MS4A10: variants seen among roughly 807,000 people sequenced by gnomAD.
MS4A10 encodes the protein membrane-spanning 4-domains subfamily A member 10.
In MS4A10, 27 loss-of-function variants were observed where a neutral mutation model predicts 27.7. That is an observed-to-expected ratio of 0.98 (90% CI 0.72 to 1.35). The LOEUF is 1.35. Ranked by LOEUF, MS4A10 falls within the 40% of genes most tolerant of loss-of-function variation. MS4A10 has a pLI of 0.00. For synonymous variants in MS4A10, 139 were observed against 131.2 expected (o/e 1.06, Z -0.41); for missense variants, 338 against 324.7 (o/e 1.04, Z -0.32).
At chr11:60,787,792 C>T (rs544251290) in intron 1 of MS4A10, among the ~76,000 whole-genome samples, 12 of 152,140 alleles carry the variant, frequency 7.9e-5, no homozygotes, top group East Asian at 1.9e-4. Flanking sequence ...CCAAGGTAGG[C>T]GGATCACCTG....
At chr11:60,786,161 ATGCACACACATG>A (rs1854331527) in intron 1 of MS4A10, among the ~76,000 whole-genome samples, 3 of 142,850 alleles carry the variant, frequency 2.1e-5, no homozygotes, top group Admixed American at 7.0e-5. Flanking sequence ...ATGCACATGC[ATGCACACACATG>A]CACACACACA....
intron 7 of MS4A10, 87 bp from the exon 8 acceptor site, chr11:60,799,741 A>G (rs1854599808): frequency 1.4e-6 from 1 of 732,824 alleles, no homozygotes; most frequent in South Asian, 1.5e-5. Context: ...TGAGCCAAGT[A>G]AATGCTATTT....
intron 4 of MS4A10, 38 bp downstream of exon 4, chr11:60,792,359 G>A: frequency 6.8e-7 from 1 of 1,464,074 alleles, no homozygotes; most frequent in Non-Finnish European, 9.6e-7. Flanking sequence ...TTCCATCTGA[G>A]CATGGCATAA....
intron 5 of MS4A10, among the ~76,000 whole-genome samples, chr11:60,794,388 A>T (rs1457090139): frequency 1.3e-5 from 2 of 152,210 alleles, no homozygotes; most frequent in East Asian, 3.9e-4. Flanking sequence ...CTTGACGGCA[A>T]ATCCAGGACC....
At chr11:60,795,501 C>G in intron 5 of MS4A10, 54 bp from the exon 6 acceptor site, 1 of 1,214,560 alleles carries the variant, frequency 8.2e-7, no homozygotes, top group Non-Finnish European at 1.1e-6. Context: ...CCACGTGATG[C>G]GTGCAGACAC....
At chr11:60,785,717 G>A (rs1242291124) in intron 1 of MS4A10, among the ~76,000 whole-genome samples, 1 of 152,164 alleles carries the variant, frequency 6.6e-6, no homozygotes, top group Non-Finnish European at 1.5e-5. Flanking sequence ...CCCCTGCGGA[G>A]CCCCATCCTG....
chr11:60,790,218 T>C (rs1466399456), intron 1 of MS4A10, 96 bp from the exon 2 acceptor site: 1 of 1,040,222 alleles, frequency 9.6e-7, no homozygotes, highest in Non-Finnish European at 1.4e-6. Context: ...TCTGGAAAGA[T>C]CTGGTCCCTT....
intron 6 of MS4A10, among the ~76,000 whole-genome samples, chr11:60,796,566 A>G (rs1204960754): frequency 2.0e-5 from 3 of 152,218 alleles, no homozygotes; most frequent in Non-Finnish European, 4.4e-5. Flanking sequence ...GATTACAGGC[A>G]TCAGCCATCA....
chr11:60,799,794 C>A, intron 7 of MS4A10, 34 bp from the exon 8 acceptor site: 3 of 958,032 alleles, frequency 3.1e-6, no homozygotes, highest in Non-Finnish European at 5.0e-6. Context: ...TGTGACCTAG[C>A]TGCTGTTGCT....
At chr11:60,786,043 G>A (rs1854329693) in intron 1 of MS4A10, among the ~76,000 whole-genome samples, 1 of 152,038 alleles carries the variant, frequency 6.6e-6, no homozygotes, top group African/African-American at 2.4e-5. Flanking sequence ...TCACTGAAAC[G>A]CTGATCCTCT....
chr11:60,789,715 A>T (rs558433772), intron 1 of MS4A10, among the ~76,000 whole-genome samples: 2 of 152,222 alleles, frequency 1.3e-5, no homozygotes, highest in Non-Finnish European at 2.9e-5. Flanking sequence ...GAATGAGGAC[A>T]AAATCAGGTA....
chr11:60,791,749 T>C (rs932962476), intron 3 of MS4A10, among the ~76,000 whole-genome samples: 11 of 152,206 alleles, frequency 7.2e-5, no homozygotes, highest in East Asian at 1.9e-4. Flanking sequence ...TGCACAGTGA[T>C]AGAACTTTCC....
intron 5 of MS4A10, among the ~76,000 whole-genome samples, chr11:60,794,671 CT>C (rs948810345): frequency 6.6e-5 from 10 of 151,148 alleles, no homozygotes; most frequent in African/African-American, 2.2e-4. Context: ...ATTCTTTTTT[CT>C]TTTTTTTTGG....
At chr11:60,790,935 C>G in intron 2 of MS4A10, 39 bp from the exon 3 acceptor site, 4 of 1,610,792 alleles carry the variant, frequency 2.5e-6, no homozygotes, top group Non-Finnish European at 3.4e-6. Flanking sequence ...AGCCAGTGAC[C>G]GATGCCCTCA....
At chr11:60,795,499 T>A (rs1854511966) in intron 5 of MS4A10, 56 bp from the exon 6 acceptor site, 2 of 1,197,746 alleles carry the variant, frequency 1.7e-6, no homozygotes, top group Middle Eastern at 2.6e-4. Flanking sequence ...GCCCACGTGA[T>A]GCGTGCAGAC....
At position 60,800,688 on chromosome 11, in the gene MS4A10, G is replaced by A. The variant is rs1854618323; in HGVS notation, c.*779G>A. On this transcript the variant is annotated 3_prime_UTR_variant, in exon 8 of 8. Coordinates refer to ENST00000308287, the MANE Select transcript of MS4A10 (RefSeq NM_206893.4). ...TGCTGCTTCTAACCTTCTATAGATTGCAGCTGGCTTTAAAATAGATTGTAA... is the reference window on the plus strand; with the variant it reads ...TGCTGCTTCTAACCTTCTATAGATTACAGCTGGCTTTAAAATAGATTGTAA... 6.6e-6 allele frequency: 1 copy of A among 152,122 alleles called. No individual in the cohort carries two copies. The highest frequency in any genetic ancestry group is 1.5e-5 in the Non-Finnish European group (1 of 68,054). 9.4% of individuals were successfully genotyped at this position (152,122 alleles called of 1,614,324 possible). A position where few individuals can be genotyped will look rare whatever the true frequency, so the allele number is the denominator to read the frequency against.
intron 1 of MS4A10, among the ~76,000 whole-genome samples, chr11:60,786,612 A>G (rs1854343401): frequency 6.7e-6 from 1 of 150,144 alleles, no homozygotes; most frequent in Non-Finnish European, 1.5e-5. Context: ...TCGCTCTCAC[A>G]GCCCTCTCCC....
chr11:60,792,496 T>A (rs1199602352), intron 4 of MS4A10, among the ~76,000 whole-genome samples, 175 bp downstream of exon 4: 4 of 152,270 alleles, frequency 2.6e-5, no homozygotes, highest in Non-Finnish European at 5.9e-5. Flanking sequence ...GCAGACAGGC[T>A]GACAGACTTG....
chr11:60,786,878 A>C (rs1023940295), intron 1 of MS4A10, among the ~76,000 whole-genome samples: 3 of 152,212 alleles, frequency 2.0e-5, no homozygotes, highest in African/African-American at 4.8e-5. Context: ...CCCCATGAGA[A>C]GGTGAGGGGA....
Sources: gnomAD v4.1 joint callset for allele counts (sites outside exome capture counted in the v4.1 genomes callset) on GRCh38, gnomAD v4.1.1 for gene constraint, MANE v1.5 for transcripts, NCBI Gene and HGNC (gene_info 2026-07-23, HGNC 2026-07-21) for gene names.